The following CNKSR3 variants were observed in gnomAD, a reference collection of about 807,000 sequenced individuals.
CNKSR3 encodes the protein connector enhancer of kinase suppressor of ras 3.
A neutral mutation model predicts 67.7 loss-of-function variants in CNKSR3; 36 were observed. The ratio of observed to expected loss-of-function variants is 0.53; its 90% CI spans 0.41 to 0.70. The LOEUF is 0.70. Ranked by LOEUF, CNKSR3 falls within the 30% of genes least tolerant of loss-of-function variation. CNKSR3 has a pLI of 0.00. For synonymous variants in CNKSR3, 281 were observed against 271.4 expected (o/e 1.04, Z -0.35); for missense variants, 630 against 695.2 (o/e 0.91, Z 1.05).
intron 9 of CNKSR3, among the ~76,000 whole-genome samples, chr6:154,415,097 C>CAAA (rs1157415390): frequency 8.7e-4 from 29 of 33,174 alleles, no homozygotes; most frequent in South Asian, 1.8e-3. Context: ...GACTCTGTCT[C>CAAA]AAAAAAAAAA....
Position 154,503,955 on chromosome 6 carries a change from T to C in CNKSR3, c.52+6108A>G, listed in dbSNP as rs1432585231. Among the ~76,000 whole-genome samples, 7 of 152,190 alleles carry C rather than the reference T, an allele frequency of 4.6e-5. No homozygotes were observed. The East Asian group carries it at 1.3e-3, about 29-fold the overall frequency. ...TTGCAGCTACGTGCTAGAACAGTGC[T>C]TCTCTAATTGTGATGGGTGCACGAA... On this transcript the variant is annotated intron_variant, in intron 1 of 12. Coordinates refer to ENST00000607772, the MANE Select transcript of CNKSR3 (RefSeq NM_173515.4).
chr6:154,428,688 AT>A (rs34141297), intron 6 of CNKSR3, among the ~76,000 whole-genome samples: 75,188 of 148,144 alleles, frequency 0.51, 19,150 homozygotes, highest in Non-Finnish European at 0.55. Context: ...CCAGCTAATT[AT>A]TTTTTTTTTT....
At chr6:154,441,241 G>T in intron 4 of CNKSR3, 51 bp downstream of exon 4, 4 of 770,358 alleles carry the variant, frequency 5.2e-6, no homozygotes, top group Non-Finnish European at 3.5e-6. Context: ...AAGAGGAAAA[G>T]CAAAAAAAAA....
At chr6:154,412,671 A>G (rs1202945557) in intron 10 of CNKSR3, among the ~76,000 whole-genome samples, 1 of 152,226 alleles carries the variant, frequency 6.6e-6, no homozygotes, top group Admixed American at 6.5e-5. Context: ...GCCAAGACTC[A>G]AGGAAATGGA....
rs577126007 is a variant in CNKSR3, at chr6:154,444,762, T to A, written c.217-2472A>T. The stretch of plus-strand genomic sequence containing the variant: ...CTGGGATTACAGGCAAGTGCCACCA[T>A]GCTCAGTTAATTTTTGAATTTTTTA... On this transcript the variant is annotated intron_variant, in intron 2 of 12. Transcript: ENST00000607772. 5.9e-5 allele frequency among the ~76,000 whole-genome samples: 9 copies of A among 152,126 alleles called. No individual in the cohort carries two copies. The South Asian group carries it at 1.7e-3, about 28-fold the overall frequency.
intron 10 of CNKSR3, 115 bp downstream of exon 10, chr6:154,414,184 G>T: frequency 9.1e-7 from 1 of 1,095,510 alleles, no homozygotes; most frequent in Non-Finnish European, 1.3e-6. Context: ...TCAAGATTCA[G>T]CCCTGTCACA....
chr6:154,468,148 C>T (rs1277944625), intron 1 of CNKSR3, among the ~76,000 whole-genome samples: 1 of 143,534 alleles, frequency 7.0e-6, no homozygotes, highest in African/African-American at 2.6e-5. Flanking sequence ...TCGATCTTGG[C>T]TCACTGCAGC....
chr6:154,424,105 G>A (rs111987879), intron 7 of CNKSR3, among the ~76,000 whole-genome samples: 6,820 of 151,986 alleles, frequency 0.045, 182 homozygotes, highest in Non-Finnish European at 0.051. Flanking sequence ...GGTGGCGGGC[G>A]CCTGTAGTCC....
chr6:154,398,777 G>A lies in CNKSR3; in HGVS notation c.*7577C>T, dbSNP rs1784686602. The stretch of plus-strand genomic sequence containing the variant: ...AAAAGATATGATGATGACAAATCAA[G>A]TCAATATTGAAAGAATACTCTAGGC... On this transcript the variant is annotated 3_prime_UTR_variant, in exon 13 of 13. Transcript: ENST00000607772. 6.6e-6 allele frequency: 1 copy of A among 152,136 alleles called. No individual in the cohort carries two copies. Among genetic ancestry groups the A allele is most frequent in the African/African-American group, 2.4e-5 (1 of 41,422 alleles). 9.4% of individuals were successfully genotyped at this position (152,136 alleles called of 1,614,324 possible).
intron 4 of CNKSR3, among the ~76,000 whole-genome samples, chr6:154,434,581 G>A (rs1270048432): frequency 1.3e-5 from 2 of 152,028 alleles, no homozygotes; most frequent in Admixed American, 1.3e-4. Flanking sequence ...GACTTTTATT[G>A]TCTTCTTACA....
rs1303235855 is a variant in CNKSR3, at chr6:154,433,498, C to T, written c.517G>A (p.Val173Ile). 1.9e-6 allele frequency: 3 copies of T among 1,589,540 alleles called. No individual in the cohort carries two copies. Among genetic ancestry groups the T allele is most frequent in the Admixed American group, 1.7e-5 (1 of 58,454 alleles). Residue 173 changes from valine (V) to isoleucine (I), a missense_variant, in exon 5 of 13, where the codon GTA (valine) becomes ATA (isoleucine). By Grantham distance (29) the Val-to-Ile change is conservative. This residue lies in a region of CNKSR3 where 133 missense variants were observed against 190.6 expected (regional missense o/e 0.70). Transcript: ENST00000607772. ...LTTTVQKDCF[V>I]AEMEDKVLTV... Reference sequence around the variant, plus strand: ...AAAACTTTATCCTCCATTTCCGCTACAAAGCAATCCTAAAGAAGGGGATGG... The same window carrying T: ...AAAACTTTATCCTCCATTTCCGCTATAAAGCAATCCTAAAGAAGGGGATGG...
intron 1 of CNKSR3, among the ~76,000 whole-genome samples, chr6:154,474,195 G>A (rs558504687): frequency 6.7e-5 from 10 of 150,306 alleles, no homozygotes; most frequent in Middle Eastern, 3.4e-3. Context: ...AGCAGATCAT[G>A]AGGTCAGGAG....
rs1043625723 is a variant in CNKSR3, at chr6:154,393,612, A to T, written c.*12742T>A. ...TCTCCCAATTTGTAACTTTTTAAAA[A>T]TTTTCTTTAAGGTGTCCTATGATGA... On this transcript the variant is annotated 3_prime_UTR_variant, in exon 13 of 13. Transcript: ENST00000607772. 1.3e-5 allele frequency: 2 copies of T among 152,112 alleles called. No individual in the cohort carries two copies. The highest frequency in any genetic ancestry group is 4.8e-5 in the African/African-American group (2 of 41,420). The allele number at this position is 152,112 out of a possible 1,614,324, so 9.4% of individuals were successfully genotyped here.
At chr6:154,465,447 T>TATATAA (rs1554235868) in intron 1 of CNKSR3, among the ~76,000 whole-genome samples, 7 of 152,196 alleles carry the variant, frequency 4.6e-5, no homozygotes, top group Admixed American at 1.3e-4. Flanking sequence ...TATATATATA[T>TATATAA]AACCCCTTAA....
intron 1 of CNKSR3, among the ~76,000 whole-genome samples, chr6:154,491,178 G>GA (rs1332098358): frequency 6.6e-6 from 1 of 152,046 alleles, no homozygotes. Context: ...CTTCCTCCAG[G>GA]AAGCCTTCTC....
Position 154,409,408 on chromosome 6 carries a change from C to T in CNKSR3, c.1369+935G>A, listed in dbSNP as rs151172820. 4.1e-3 allele frequency among the ~76,000 whole-genome samples: 630 copies of T among 152,184 alleles called. 6 individuals are homozygous for T. Among genetic ancestry groups the T allele is most frequent in the African/African-American group, 0.015 (605 of 41,504 alleles). On this transcript the variant is annotated intron_variant, in intron 12 of 12. Transcript: ENST00000607772. ...TCAAGACCAGCATAATAACCAGGGACTTTGATTACAGGGTGAATTAAACAC... is the reference window on the plus strand; with the variant it reads ...TCAAGACCAGCATAATAACCAGGGATTTTGATTACAGGGTGAATTAAACAC...
At position 154,472,172 on chromosome 6, in the gene CNKSR3, A is replaced by T. The variant is rs189274145; in HGVS notation, c.53-21914T>A. ...ACAGAACTGGCCCCAAGTATAATTT[A>T]AAAAAAACACACACACAATGCACTG... is the stretch of plus-strand genomic sequence containing the variant. On this transcript the variant is annotated intron_variant, in intron 1 of 12. Coordinates refer to ENST00000607772, the MANE Select transcript of CNKSR3 (RefSeq NM_173515.4). Among the ~76,000 whole-genome samples the T allele has an allele frequency of 3.0e-3, 460 of 152,184 alleles. 2 individuals carry two copies. The highest frequency in any genetic ancestry group is 0.01 in the African/African-American group (423 of 41,524).
At position 154,397,079 on chromosome 6, in the gene CNKSR3, T is replaced by C. The variant is rs1023992629; in HGVS notation, c.*9275A>G. 6.6e-6 allele frequency: 1 copy of C among 152,212 alleles called. No homozygotes were observed. Among genetic ancestry groups the C allele is most frequent in the Non-Finnish European group, 1.5e-5 (1 of 68,064 alleles). 9.4% of individuals were successfully genotyped at this position (152,212 alleles called of 1,614,324 possible). On this transcript the variant is annotated 3_prime_UTR_variant, in exon 13 of 13. Coordinates refer to ENST00000607772, the MANE Select transcript of CNKSR3 (RefSeq NM_173515.4). ...CCTCAGCCTCCCAAAGTGCTGGGATTACAGGCGTGACCCACCGCGCCCGGC... is the reference window on the plus strand; with the variant it reads ...CCTCAGCCTCCCAAAGTGCTGGGATCACAGGCGTGACCCACCGCGCCCGGC...
chr6:154,454,962 T>C lies in CNKSR3; in HGVS notation c.53-4704A>G, dbSNP rs539692178. ...AAATGTGAGAGCCTGCAATCATCAT[T>C]GGTTTCACCTAAAAAATTTTTATGA... On this transcript the variant is annotated intron_variant, in intron 1 of 12. Coordinates refer to ENST00000607772, the MANE Select transcript of CNKSR3 (RefSeq NM_173515.4). Among the ~76,000 whole-genome samples the C allele has an allele frequency of 2.6e-5, 4 of 152,292 alleles. No homozygotes were observed. The South Asian group carries it at 8.3e-4, about 32-fold the overall frequency.
Sources: gnomAD v4.1 joint callset for allele counts (sites outside exome capture counted in the v4.1 genomes callset) on GRCh38, gnomAD v4.1.1 for gene constraint, gnomAD v4.1.1 regional missense constraint, MANE v1.5 for transcripts, NCBI Gene and HGNC (gene_info 2026-07-23, HGNC 2026-07-21) for gene names.